GALK2: variants seen among roughly 807,000 people sequenced by gnomAD.
GALK2 encodes the protein galactokinase 2.
GALK2 carries 36 observed loss-of-function variants against 52.4 expected under a neutral mutation model. The observed-to-expected ratio is 0.69, with a 90% CI of 0.53 to 0.91. GALK2 has a LOEUF of 0.91. GALK2 is among the 40% of genes least tolerant of loss of function. The pLI, the probability that GALK2 is intolerant of heterozygous loss-of-function variation, is 0.00. For missense variants in GALK2, 579 were observed against 559.1 expected, an observed-to-expected ratio of 1.04 and a Z score of -0.36; for synonymous variants, 176 against 199.1, an observed-to-expected ratio of 0.88 and a Z score of 0.98.
At chr15:49,251,025 A>T (rs1216686647) in intron 5 of GALK2, among the ~76,000 whole-genome samples, 3 of 152,218 alleles carry the variant, frequency 2.0e-5, no homozygotes, top group Non-Finnish European at 4.4e-5. Context: ...TCCAAAGAAT[A>T]CGAAAACAAA....
chr15:49,292,806 C>T (rs371944948), intron 8 of GALK2, among the ~76,000 whole-genome samples: 1 of 151,826 alleles, frequency 6.6e-6, no homozygotes, highest in South Asian at 2.1e-4. Context: ...TTTTTTTTCC[C>T]TTATCCATTT....
intron 3 of GALK2, among the ~76,000 whole-genome samples, chr15:49,348,816 C>G (rs557879835): frequency 6.6e-6 from 1 of 152,266 alleles, no homozygotes; most frequent in East Asian, 1.9e-4. Context: ...GGCTTTTACC[C>G]CAGCCTTTGA....
chr15:49,322,735 A>G (rs2036986187), intron 9 of GALK2, among the ~76,000 whole-genome samples: 1 of 152,166 alleles, frequency 6.6e-6, no homozygotes, highest in African/African-American at 2.4e-5. Context: ...AGGCGGGCAG[A>G]TCATGAGGTC....
At chr15:49,203,832 T>C (rs1411546211) in intron 2 of GALK2, among the ~76,000 whole-genome samples, 2 of 152,178 alleles carry the variant, frequency 1.3e-5, no homozygotes, top group Non-Finnish European at 2.9e-5. Context: ...CATTTGGCCT[T>C]GGCCAGGCAT....
chr15:49,182,788 T>G (rs1488910015), intron 1 of GALK2, among the ~76,000 whole-genome samples: 1 of 152,220 alleles, frequency 6.6e-6, no homozygotes, highest in Non-Finnish European at 1.5e-5. Context: ...TTTTATGTCT[T>G]TTGAAAAATG....
chr15:49,176,928 A>C (rs1018036485), intron 1 of GALK2, among the ~76,000 whole-genome samples: 2 of 152,270 alleles, frequency 1.3e-5, no homozygotes, highest in East Asian at 1.9e-4. Context: ...TGAAGGTCCA[A>C]CCAACTTGTT....
intron 5 of GALK2, among the ~76,000 whole-genome samples, chr15:49,248,923 G>A (rs2091472975): frequency 6.6e-6 from 1 of 152,176 alleles, no homozygotes; most frequent in Non-Finnish European, 1.5e-5. Context: ...TGAAACCACT[G>A]TTGCTACAAA....
chr15:49,177,200 A>G (rs1040503613), intron 1 of GALK2, among the ~76,000 whole-genome samples: 5 of 152,158 alleles, frequency 3.3e-5, no homozygotes, highest in African/African-American at 2.4e-5. Flanking sequence ...CCCTGGTTCA[A>G]TAAATTTTGC....
intron 8 of GALK2, among the ~76,000 whole-genome samples, chr15:49,294,879 T>C (rs2034316766): frequency 6.6e-6 from 1 of 152,168 alleles, no homozygotes; most frequent in South Asian, 2.1e-4. Context: ...TTACCAGCCT[T>C]TCCAGGTGGA....
chr15:49,324,085 G>A (rs1357542481), intron 9 of GALK2, among the ~76,000 whole-genome samples: 3 of 152,062 alleles, frequency 2.0e-5, no homozygotes, highest in East Asian at 3.8e-4. Flanking sequence ...TGGTTCCCTC[G>A]TTTTACTTAA....
intron 8 of GALK2, among the ~76,000 whole-genome samples, chr15:49,305,118 T>G (rs531992430): frequency 9.8e-5 from 15 of 152,332 alleles, no homozygotes; most frequent in Admixed American, 5.9e-4. Flanking sequence ...AATTTCTAAA[T>G]TAGAAATTGT....
chr15:49,360,728 T>G (rs1460731852), intron 3 of GALK2, among the ~76,000 whole-genome samples: 1 of 152,186 alleles, frequency 6.6e-6, no homozygotes, highest in African/African-American at 2.4e-5. Context: ...AAGTTTTTAA[T>G]AAAACTCCAA....
At chr15:49,315,788 G>A (rs1286123167) in intron 8 of GALK2, among the ~76,000 whole-genome samples, 3 of 152,188 alleles carry the variant, frequency 2.0e-5, no homozygotes, top group Non-Finnish European at 4.4e-5. Context: ...TCTGCAAGAA[G>A]AGAACAGATT....
intron 3 of GALK2, among the ~76,000 whole-genome samples, chr15:49,354,600 C>T (rs2042793617): frequency 6.6e-6 from 1 of 152,184 alleles, no homozygotes; most frequent in Non-Finnish European, 1.5e-5. Flanking sequence ...GGTCCTACGC[C>T]CACGGAGTCT....
chr15:49,283,819 A>T, intron 7 of GALK2, 101 bp downstream of exon 7: 3 of 1,175,258 alleles, frequency 2.6e-6, no homozygotes, highest in South Asian at 3.0e-5. Flanking sequence ...TTTTAGGGCA[A>T]CATTCTGACT....
At chr15:49,170,815 C>A (rs1290543858) in intron 1 of GALK2, among the ~76,000 whole-genome samples, 1 of 152,022 alleles carries the variant, frequency 6.6e-6, no homozygotes, top group Non-Finnish European at 1.5e-5. Flanking sequence ...AAAACAAAAA[C>A]ACGAGAATCT....
chr15:49,283,697 G>T lies in GALK2; in HGVS notation c.735G>T (p.Met245Ile), dbSNP rs1460461115. 1 of 1,614,030 alleles carries T rather than the reference G, an allele frequency of 6.2e-7. No individual in the cohort carries two copies. The highest frequency in any genetic ancestry group is 8.5e-7 in the Non-Finnish European group (1 of 1,179,928). The change falls in exon 7 of 10, where the codon ATG (methionine) becomes ATT (isoleucine). Residue 245 changes from methionine to isoleucine, a missense_variant. Physicochemically the swap from Met to Ile is conservative, Grantham distance 10. Transcript: ENST00000560031. Reference sequence around the variant, plus strand: ...CTTCCCATTTCAATATCAGGGTGATGGAGTGTCGGCTGGCTGCGAAGGTAT... The same window carrying T: ...CTTCCCATTTCAATATCAGGGTGATTGAGTGTCGGCTGGCTGCGAAGGTAT... ...AATSHFNIRV[M>I]ECRLAAKLLA...
chr15:49,350,251 G>C (rs1200355752), intron 3 of GALK2, among the ~76,000 whole-genome samples: 1 of 152,178 alleles, frequency 6.6e-6, no homozygotes, highest in Non-Finnish European at 1.5e-5. Flanking sequence ...AATGTGGCGA[G>C]TGTATCAGAT....
intron 8 of GALK2, 61 bp downstream of exon 8, chr15:49,292,598 A>C: frequency 1.5e-5 from 21 of 1,358,526 alleles, no homozygotes; most frequent in Non-Finnish European, 2.1e-5. Flanking sequence ...GGAAGGTTTC[A>C]ATTTCTCCAC....
Sources: allele counts gnomAD v4.1 joint callset (sites outside exome capture counted in the v4.1 genomes callset), GRCh38; gene constraint gnomAD v4.1.1; transcripts MANE v1.5; gene names NCBI Gene and HGNC (gene_info 2026-07-23, HGNC 2026-07-21).